RALY: variants seen among roughly 807,000 people sequenced by gnomAD.
The protein encoded by RALY is RALY heterogeneous nuclear ribonucleoprotein.
Under a neutral mutation model 30.7 loss-of-function variants are expected in RALY, and 15 were observed. The observed-to-expected ratio is 0.49, with a 90% CI of 0.33 to 0.75. The LOEUF is 0.75. Among genes scored for constraint, RALY ranks in the 30% least tolerant of loss-of-function variants. The pLI is 0.02. For missense variants in RALY, 339 were observed against 414.3 expected, an observed-to-expected ratio of 0.82 and a Z score of 1.58; for synonymous variants, 177 against 170.8, an observed-to-expected ratio of 1.04 and a Z score of -0.28.
intron 2 of RALY, among the ~76,000 whole-genome samples, chr20:34,033,727 G>A (rs752978589): frequency 1.2e-4 from 19 of 152,214 alleles, no homozygotes; most frequent in Non-Finnish European, 2.2e-4. Context: ...ATTTCAGCAA[G>A]AGGTTTGGAG....
At chr20:34,043,412 A>T (rs6120490) in intron 2 of RALY, among the ~76,000 whole-genome samples, 1,772 of 152,274 alleles carry the variant, frequency 0.012, 37 homozygotes, top group African/African-American at 0.041. Context: ...GCCAGATCTT[A>T]ATAATCTGTC....
chr20:34,046,336 G>A (rs1235868469), intron 2 of RALY, among the ~76,000 whole-genome samples: 1 of 152,210 alleles, frequency 6.6e-6, no homozygotes, highest in South Asian at 2.1e-4. Flanking sequence ...TGGGACCAAA[G>A]AAATCTTAGA....
At chr20:34,027,428 C>A (rs1194924454) in intron 1 of RALY, among the ~76,000 whole-genome samples, 1 of 152,186 alleles carries the variant, frequency 6.6e-6, no homozygotes, top group African/African-American at 2.4e-5. Flanking sequence ...TAGTAGCAGC[C>A]CATGTCTTTC....
At chr20:34,014,411 A>G (rs2031529322) in intron 1 of RALY, among the ~76,000 whole-genome samples, 1 of 152,220 alleles carries the variant, frequency 6.6e-6, no homozygotes, top group African/African-American at 2.4e-5. Flanking sequence ...TCTTGAATGT[A>G]GAGTTTGTTT....
chr20:33,999,235 G>A (rs761570648), intron 1 of RALY, among the ~76,000 whole-genome samples: 1 of 152,098 alleles, frequency 6.6e-6, no homozygotes, highest in Non-Finnish European at 1.5e-5. Context: ...TCTACCTGGT[G>A]CAGTTTTGTA....
chr20:33,994,194 C>G (rs1371091631), intron 1 of RALY, 63 bp downstream of exon 1: 1 of 152,562 alleles, frequency 6.6e-6, no homozygotes, highest in Non-Finnish European at 1.5e-5. Context: ...TGTGCCTTTC[C>G]GTTCACTCAC....
intron 1 of RALY, among the ~76,000 whole-genome samples, chr20:34,019,921 C>T (rs1381381835): frequency 3.3e-5 from 5 of 151,926 alleles, no homozygotes; most frequent in African/African-American, 7.3e-5. Flanking sequence ...ATTAGCCGGG[C>T]GTAGTGGTGG....
At chr20:34,019,418 T>G (rs1170185116) in intron 1 of RALY, among the ~76,000 whole-genome samples, 1 of 152,092 alleles carries the variant, frequency 6.6e-6, no homozygotes. Context: ...AGATGCCTGG[T>G]CTTGGCCTCT....
chr20:34,003,708 C>T (rs1027723396), intron 1 of RALY, among the ~76,000 whole-genome samples: 8 of 138,852 alleles, frequency 5.8e-5, no homozygotes, highest in African/African-American at 2.3e-4. Context: ...GGCGGGATCT[C>T]GGCTCACTGC....
At chr20:34,019,103 A>G (rs891805125) in intron 1 of RALY, among the ~76,000 whole-genome samples, 3 of 152,086 alleles carry the variant, frequency 2.0e-5, no homozygotes, top group Non-Finnish European at 4.4e-5. Context: ...CGGGTGGATC[A>G]CTTGAGGTCA....
At chr20:34,038,001 A>G (rs1322496363) in intron 2 of RALY, among the ~76,000 whole-genome samples, 4 of 152,294 alleles carry the variant, frequency 2.6e-5, no homozygotes, top group East Asian at 1.9e-4. Flanking sequence ...GATTTTGGCC[A>G]TATTTTATTA....
chr20:34,029,189 AT>A (rs1601436947), intron 1 of RALY, among the ~76,000 whole-genome samples: 2 of 152,040 alleles, frequency 1.3e-5, no homozygotes, highest in African/African-American at 4.8e-5. Context: ...GGAATAAAGA[AT>A]TCTTTGAGAG....
chr20:34,011,510 A>T (rs112712641), intron 1 of RALY, among the ~76,000 whole-genome samples: 4,381 of 152,282 alleles, frequency 0.029, 97 homozygotes, highest in Middle Eastern at 0.044. Flanking sequence ...TAGACTTTGG[A>T]TGGGGCCAAG....
chr20:34,062,306 C>G (rs2123218516), intron 2 of RALY, among the ~76,000 whole-genome samples: 1 of 152,330 alleles, frequency 6.6e-6, no homozygotes, highest in African/African-American at 2.4e-5. Context: ...GCCTTCCCCA[C>G]CCTTCCTCAA....
intron 2 of RALY, among the ~76,000 whole-genome samples, chr20:34,064,593 G>A (rs148596641): frequency 1.6e-4 from 25 of 152,246 alleles, no homozygotes; most frequent in Non-Finnish European, 3.4e-4. Flanking sequence ...CAGATACTAG[G>A]ACAAGGGAGA....
intron 2 of RALY, among the ~76,000 whole-genome samples, chr20:34,053,232 C>T (rs1351142654): frequency 2.0e-5 from 3 of 151,706 alleles, no homozygotes; most frequent in African/African-American, 7.3e-5. Context: ...CAACACAATC[C>T]CGTGACATAG....
intron 3 of RALY, among the ~76,000 whole-genome samples, chr20:34,072,909 A>G (rs1324591160): frequency 6.7e-6 from 1 of 149,754 alleles, no homozygotes; most frequent in Non-Finnish European, 1.5e-5. Flanking sequence ...TGTGGACACA[A>G]CCCTTGTATG....
chr20:34,014,113 G>A (rs182648204), intron 1 of RALY, among the ~76,000 whole-genome samples: 125 of 152,280 alleles, frequency 8.2e-4, no homozygotes, highest in African/African-American at 2.6e-3. Flanking sequence ...AAGTTTGCGT[G>A]CATGCTGGAC....
chr20:34,002,185 C>T (rs1161703549), intron 1 of RALY, among the ~76,000 whole-genome samples: 2 of 152,076 alleles, frequency 1.3e-5, no homozygotes, highest in Non-Finnish European at 2.9e-5. Context: ...GAGGGCTGTG[C>T]GTGAATCAGT....
Sources: gnomAD v4.1 joint callset for allele counts (sites outside exome capture counted in the v4.1 genomes callset) on GRCh38, gnomAD v4.1.1 for gene constraint, MANE v1.5 for transcripts, NCBI Gene and HGNC (gene_info 2026-07-23, HGNC 2026-07-21) for gene names.